The following GAL3ST2 variants were observed in gnomAD, a reference collection of about 807,000 sequenced individuals.
GAL3ST2 encodes beta-galactose-3-O-sulfotransferase 2.
A neutral mutation model predicts 12.9 loss-of-function variants in GAL3ST2; 16 were observed. The observed-to-expected ratio is 1.24, with a 90% CI of 0.84 to 1.88. GAL3ST2 has a LOEUF of 1.88. Among genes scored for constraint, GAL3ST2 ranks in the 40% most tolerant of loss-of-function variants. GAL3ST2 has a pLI of 0.00. For missense variants in GAL3ST2, 639 were observed against 571.8 expected, an observed-to-expected ratio of 1.12 and a Z score of -1.20; for synonymous variants, 302 against 273.9, an observed-to-expected ratio of 1.10 and a Z score of -1.01.
At position 241,800,436 on chromosome 2, in the gene GAL3ST2, G is replaced by A. The variant is rs958589744; in HGVS notation, c.119+1282G>A. Among the ~76,000 whole-genome samples the A allele has an allele frequency of 6.6e-6, 1 of 152,156 alleles. No individual in the cohort carries two copies. Among genetic ancestry groups the A allele is most frequent in the African/African-American group, 2.4e-5 (1 of 41,412 alleles). On this transcript the variant is annotated intron_variant, in intron 2 of 3. Transcript: ENST00000192314. The surrounding 1 kb of genome is among the most constrained non-coding windows in gnomAD (Gnocchi z 5.2). ...CGTTCAGCAGGTGACGGGAGGAGCT[G>A]TGGATATTCATGAAGGGGGTCCTGA...
intron 1 of GAL3ST2, among the ~76,000 whole-genome samples, chr2:241,788,878 C>T (rs1448403050): frequency 6.6e-6 from 1 of 152,026 alleles, no homozygotes; most frequent in Non-Finnish European, 1.5e-5. Flanking sequence ...ACAAGCAGCA[C>T]ACATCAATCC....
At chr2:241,799,881 G>A (rs1384118953) in intron 2 of GAL3ST2, among the ~76,000 whole-genome samples, 2 of 152,204 alleles carry the variant, frequency 1.3e-5, no homozygotes, top group Admixed American at 1.3e-4. Context: ...GAGGGCGCCT[G>A]CTACTCCAGC....
rs1699730044 is a variant in GAL3ST2 at position 241,793,591 on chromosome 2, A to ATG, written c.30-5473_30-5472insGT. 6.8e-6 allele frequency among the ~76,000 whole-genome samples: 1 copy of ATG among 146,230 alleles called. No homozygotes were observed. The highest frequency in any genetic ancestry group is 2.6e-5 in the African/African-American group (1 of 38,146). The stretch of plus-strand genomic sequence containing the variant: ...TGTGTGCGTATATGTGTATGTATGT[A>ATG]TATGTGTATATGTGTGTGTATTGTG... On this transcript the variant is annotated intron_variant, in intron 1 of 3. Transcript: ENST00000192314. The surrounding 1 kb of genome is among the most constrained non-coding windows in gnomAD (Gnocchi z 4.7).
intron 1 of GAL3ST2, among the ~76,000 whole-genome samples, chr2:241,796,401 G>T (rs1211498624): frequency 6.6e-6 from 1 of 152,116 alleles, no homozygotes; most frequent in Non-Finnish European, 1.5e-5. Context: ...AGCAGGCTCG[G>T]AGCACCCTGG....
At chr2:241,787,184 C>T (rs184097631) in intron 1 of GAL3ST2, among the ~76,000 whole-genome samples, 2 of 152,302 alleles carry the variant, frequency 1.3e-5, no homozygotes, top group East Asian at 3.9e-4. Flanking sequence ...ATTGATGTCT[C>T]ATGTCGCCCT....
rs1448262902 is a variant in GAL3ST2 at position 241,793,623 on chromosome 2, C to A, written c.30-5442C>A. On this transcript the variant is annotated intron_variant, in intron 1 of 3. Coordinates refer to ENST00000192314, the MANE Select transcript of GAL3ST2 (RefSeq NM_022134.3). This position sits in a 1 kb window ranked among gnomAD's most constrained non-coding sequence, Gnocchi z 4.7. ...TATATGTGTGTGTATTGTGTGTGTA[C>A]ATATTGTGTTTGTGTGTACATATTG... Among the ~76,000 whole-genome samples, 4 of 112,278 alleles carry A rather than the reference C, an allele frequency of 3.6e-5. No individual in the cohort carries two copies. Among genetic ancestry groups the A allele is most frequent in the Admixed American group, 3.1e-4 (4 of 12,778 alleles). 73.7% of individuals were successfully genotyped at this position (112,278 alleles called of 152,430 possible).
Position 241,804,036 on chromosome 2 carries a change from C to G in GAL3ST2, c.1067C>G (p.Pro356Arg). 6.4e-7 allele frequency: 1 copy of G among 1,562,130 alleles called. No individual in the cohort carries two copies. The highest frequency in any genetic ancestry group is 8.7e-7 in the Non-Finnish European group (1 of 1,155,888). ...GACATCCTGGGTTACAACCTCCGGC[C>G]GGGCCTGGACAACCAGACGCTGGGC... is the stretch of plus-strand genomic sequence containing the variant. ...KADILGYNLRPGLDNQTLGVC... is the reference protein window; with the variant it reads ...KADILGYNLRRGLDNQTLGVC... Residue 356 changes from proline (P) to arginine (R), a missense_variant, in exon 4 of 4, where the codon CCG becomes CGG. Pro to Arg is a moderately radical substitution (Grantham distance 103). Transcript: ENST00000192314.
Position 241,803,601 on chromosome 2 carries a change from G to T in GAL3ST2, c.632G>T (p.Arg211Leu), listed in dbSNP as rs570080331. 82 of 1,571,328 alleles carry T rather than the reference G, an allele frequency of 5.2e-5. No homozygotes were observed. Among genetic ancestry groups the T allele is most frequent in the Non-Finnish European group, 6.9e-5 (80 of 1,157,526 alleles). ...PNAQCEEGYV[R>L]ARIAEVERRF... The stretch of plus-strand genomic sequence containing the variant: ...GCGCAGTGCGAGGAGGGCTACGTGC[G>T]CGCGCGCATCGCCGAGGTGGAGCGG... The change falls in exon 4 of 4, where the codon CGC (arginine) becomes CTC (leucine). Residue 211 changes from arginine to leucine, a missense_variant. Arg to Leu is a moderately radical substitution (Grantham distance 102, BLOSUM62 -2). Transcript: ENST00000192314.
rs939241087 is a variant in GAL3ST2, at chr2:241,793,506, G to A, written c.30-5559G>A. Among the ~76,000 whole-genome samples the A allele has an allele frequency of 6.6e-6, 1 of 151,524 alleles. No homozygotes were observed. Among genetic ancestry groups the A allele is most frequent in the Non-Finnish European group, 1.5e-5 (1 of 67,990 alleles). On this transcript the variant is annotated intron_variant, in intron 1 of 3. Transcript: ENST00000192314. This position sits in a 1 kb window ranked among gnomAD's most constrained non-coding sequence, Gnocchi z 4.7. ...TTATATGTACATATTGTGTATGTGT[G>A]TGTATATGTATGTGTGTATTGTGTT...
At position 241,800,375 on chromosome 2, in the gene GAL3ST2, G is replaced by A. The variant is rs1223095454; in HGVS notation, c.119+1221G>A. On this transcript the variant is annotated intron_variant, in intron 2 of 3. Coordinates refer to ENST00000192314, the MANE Select transcript of GAL3ST2 (RefSeq NM_022134.3). This position sits in a 1 kb window ranked among gnomAD's most constrained non-coding sequence, Gnocchi z 5.2. ...GCGGGCACTTCGAGGGAGGGGGTGG[G>A]ACAGGGGCTTACGCTGAACGGCTTG... Among the ~76,000 whole-genome samples, 1 of 150,638 alleles carries A rather than the reference G, an allele frequency of 6.6e-6. No homozygotes were observed. The highest frequency in any genetic ancestry group is 6.6e-5 in the Admixed American group (1 of 15,104).
Position 241,793,728 on chromosome 2 carries a change from A to G in GAL3ST2, c.30-5337A>G, listed in dbSNP as rs1699735069. On this transcript the variant is annotated intron_variant, in intron 1 of 3. Transcript: ENST00000192314. This position sits in a 1 kb window ranked among gnomAD's most constrained non-coding sequence, Gnocchi z 4.7. ...GTACGTATTGTGTATGCATGTGTGT[A>G]TGTGTGTATATGTATGTGTGTGTGT... Among the ~76,000 whole-genome samples, 1 of 150,254 alleles carries G rather than the reference A, an allele frequency of 6.7e-6. No individual in the cohort carries two copies. Among genetic ancestry groups the G allele is most frequent in the South Asian group, 2.1e-4 (1 of 4,764 alleles).
At chr2:241,777,086 G>A (rs1699497733) in intron 1 of GAL3ST2, 102 bp downstream of exon 1, 1 of 1,074,624 alleles carries the variant, frequency 9.3e-7, no homozygotes, top group Non-Finnish European at 1.2e-6. Flanking sequence ...CGAAGGAAGT[G>A]ACTTGGATTT....
At chr2:241,797,308 T>C (rs1202703625) in intron 1 of GAL3ST2, among the ~76,000 whole-genome samples, 1 of 152,370 alleles carries the variant, frequency 6.6e-6, no homozygotes, top group African/African-American at 2.4e-5. Flanking sequence ...CATGTGGAAC[T>C]GATTCTGATC....
chr2:241,785,848 C>T (rs1699621066), intron 1 of GAL3ST2, among the ~76,000 whole-genome samples: 1 of 150,228 alleles, frequency 6.7e-6, no homozygotes, highest in African/African-American at 2.4e-5. Flanking sequence ...ATGAAGAAGG[C>T]CTTTTAAATA....
chr2:241,789,098 C>T (rs934057876), intron 1 of GAL3ST2, among the ~76,000 whole-genome samples: 3 of 152,192 alleles, frequency 2.0e-5, no homozygotes, highest in South Asian at 2.1e-4. Context: ...GCCCTAACGT[C>T]GACCCCAAAC....
At chr2:241,791,472 C>T (rs1176720195) in intron 1 of GAL3ST2, among the ~76,000 whole-genome samples, 1 of 152,134 alleles carries the variant, frequency 6.6e-6, no homozygotes, top group African/African-American at 2.4e-5. Flanking sequence ...TGGCCTCATA[C>T]CTTTGTCTAC....
intron 1 of GAL3ST2, among the ~76,000 whole-genome samples, chr2:241,797,148 C>T (rs547996380): frequency 3.3e-5 from 5 of 152,218 alleles, no homozygotes; most frequent in East Asian, 1.9e-4. Flanking sequence ...CGTGAGCTGC[C>T]GCGCCTGGCC....
At chr2:241,794,299 G>T (rs1699743751) in intron 1 of GAL3ST2, among the ~76,000 whole-genome samples, 1 of 152,266 alleles carries the variant, frequency 6.6e-6, no homozygotes, top group South Asian at 2.1e-4. Context: ...TTACTGAGAA[G>T]TTGCAGAATT....
At chr2:241,796,919 C>A (rs1036247613) in intron 1 of GAL3ST2, among the ~76,000 whole-genome samples, 1 of 152,194 alleles carries the variant, frequency 6.6e-6, no homozygotes, top group Non-Finnish European at 1.5e-5. Context: ...AGGTCCCATG[C>A]AGGGTGAGGG....
Sources: allele counts gnomAD v4.1 joint callset (sites outside exome capture counted in the v4.1 genomes callset), GRCh38; gene constraint gnomAD v4.1.1; non-coding constraint Gnocchi (gnomAD v3.1); transcripts MANE v1.5; gene names NCBI Gene and HGNC (gene_info 2026-07-23, HGNC 2026-07-21).